The following RCN1 variants were observed in gnomAD, a reference collection of about 807,000 sequenced individuals.
RCN1 encodes reticulocalbin 1.
In RCN1, 14 loss-of-function variants were observed where a neutral mutation model predicts 34.7. The ratio of observed to expected loss-of-function variants is 0.40; its 90% CI spans 0.27 to 0.63. RCN1 has a LOEUF of 0.63. Among genes scored for constraint, RCN1 ranks in the 30% least tolerant of loss-of-function variants. The probability of loss-of-function intolerance (pLI) is 0.37; values close to 1 mark genes in which losing one functional copy is unlikely to be tolerated. For missense variants in RCN1, 326 were observed against 425.1 expected, an observed-to-expected ratio of 0.77 and a Z score of 2.05; for synonymous variants, 125 against 165.5, an observed-to-expected ratio of 0.76 and a Z score of 1.88.
At chr11:32,103,705 C>G (rs1412751959) in intron 5 of RCN1, among the ~76,000 whole-genome samples, 2 of 152,182 alleles carry the variant, frequency 1.3e-5, no homozygotes, top group African/African-American at 4.8e-5. Context: ...GAGCCACAGA[C>G]TTACATTAAG....
Position 32,091,274 on chromosome 11 carries a change from T to C in RCN1, c.78T>C (p.Val26=), listed in dbSNP as rs1445348908. Residue 26 remains valine, a synonymous_variant, in exon 1 of 6, where the codon GTT becomes GTC. Coordinates refer to ENST00000054950, the MANE Select transcript of RCN1 (RefSeq NM_002901.4). ...TGGCGCTGGTGCTGGCGCCGCGGGT[T>C]CTGCGGGCCAAGCCCACGGTGCGCA... ...LLLALVLAPR[V]LRAKPTVRKE... The C allele has an allele frequency of 1.9e-6, 3 of 1,539,124 alleles. No individual in the cohort carries two copies. Among genetic ancestry groups the C allele is most frequent in the Non-Finnish European group, 2.6e-6 (3 of 1,142,436 alleles).
At chr11:32,097,694 C>T (rs751511223) in intron 2 of RCN1, among the ~76,000 whole-genome samples, 24 of 152,064 alleles carry the variant, frequency 1.6e-4, no homozygotes, top group Non-Finnish European at 2.6e-4. Flanking sequence ...TTGAGTGGGC[C>T]GGAGCAGTCA....
chr11:32,096,936 T>A (rs1490703234), intron 1 of RCN1: 7 of 501,414 alleles, frequency 1.4e-5, no homozygotes, highest in Non-Finnish European at 2.1e-5. Context: ...CCATCAGCAC[T>A]GGTTGGGGGA....
At chr11:32,096,184 C>T (rs185704352) in intron 1 of RCN1, among the ~76,000 whole-genome samples, 2 of 152,300 alleles carry the variant, frequency 1.3e-5, no homozygotes, top group Admixed American at 1.3e-4. Context: ...CTAGAGTTAG[C>T]CTGTATGACC....
intron 1 of RCN1, chr11:32,096,906 C>T (rs1193443347): frequency 1.1e-5 from 5 of 448,898 alleles, no homozygotes; most frequent in Middle Eastern, 5.6e-4. Context: ...CAGAGGGGCA[C>T]GATCCATTAG....
chr11:32,099,500 G>C (rs1852011763), intron 3 of RCN1, among the ~76,000 whole-genome samples: 2 of 152,186 alleles, frequency 1.3e-5, no homozygotes, highest in African/African-American at 4.8e-5. Context: ...TTAGCGGGTG[G>C]GTCTTTGGAG....
In RCN1 at chr11:32,104,407, A is replaced by G; in HGVS notation, c.931A>G (p.Met311Val). ...TKEEILENWN[M>V]FVGSQATNYG... The stretch of plus-strand genomic sequence containing the variant: ...AGAGGAAATATTGGAGAACTGGAAC[A>G]TGTTTGTCGGAAGCCAAGCTACCAA... Residue 311 changes from methionine (M) to valine (V), a missense_variant, in exon 6 of 6, where the codon ATG becomes GTG. By Grantham distance (21) the Met-to-Val change is conservative (BLOSUM62 1). Transcript: ENST00000054950. 6.3e-7 allele frequency: 1 copy of G among 1,579,640 alleles called. No individual in the cohort carries two copies. The highest frequency in any genetic ancestry group is 2.2e-5 in the East Asian group (1 of 44,550).
At chr11:32,095,562 C>G (rs911051806) in intron 1 of RCN1, among the ~76,000 whole-genome samples, 3 of 152,156 alleles carry the variant, frequency 2.0e-5, no homozygotes, top group African/African-American at 7.2e-5. Flanking sequence ...CACCCGCCAC[C>G]ACACCTGGCT....
At chr11:32,091,620 G>T in intron 1 of RCN1, 170 bp downstream of exon 1, 3 of 808,178 alleles carry the variant, frequency 3.7e-6, no homozygotes, top group Non-Finnish European at 3.6e-6. Context: ...TTGCTGGAGG[G>T]CCCCGGGACC....
At chr11:32,097,928 C>T (rs1479236610) in intron 2 of RCN1, among the ~76,000 whole-genome samples, 1 of 152,164 alleles carries the variant, frequency 6.6e-6, no homozygotes, top group Non-Finnish European at 1.5e-5. Flanking sequence ...GGCAAAGAAA[C>T]AGGCCCAAGG....
intron 1 of RCN1, among the ~76,000 whole-genome samples, chr11:32,093,529 CAG>C (rs932875275): frequency 1.1e-4 from 17 of 152,218 alleles, no homozygotes; most frequent in African/African-American, 3.1e-4. Context: ...GTCACCTGAT[CAG>C]AGTTTGTAGG....
At chr11:32,099,974 C>T (rs1234334196) in intron 3 of RCN1, among the ~76,000 whole-genome samples, 1 of 152,200 alleles carries the variant, frequency 6.6e-6, no homozygotes, top group East Asian at 1.9e-4. Flanking sequence ...CAGGATGCCT[C>T]TGAGTTGCTG....
rs1565352031 is a variant in RCN1 at position 32,104,628 on chromosome 11, C to T, written c.*156C>T. The T allele has an allele frequency of 1.8e-6, 1 of 552,252 alleles. No individual in the cohort carries two copies. The highest frequency in any genetic ancestry group is 1.9e-5 in the African/African-American group (1 of 53,144). 34.2% of individuals were successfully genotyped at this position (552,252 alleles called of 1,614,324 possible). On this transcript the variant is annotated 3_prime_UTR_variant, in exon 6 of 6. Coordinates refer to ENST00000054950, the MANE Select transcript of RCN1 (RefSeq NM_002901.4). ...AAAATTGTTTTTCGCTCAGTATTTACTGGAAAATGGACATCACTAGTCTTT... is the reference window on the plus strand; with the variant it reads ...AAAATTGTTTTTCGCTCAGTATTTATTGGAAAATGGACATCACTAGTCTTT...
intron 4 of RCN1, 154 bp from the exon 5 acceptor site, chr11:32,103,127 T>C: frequency 1.5e-6 from 1 of 687,928 alleles, no homozygotes; most frequent in African/African-American, 1.8e-5. Flanking sequence ...ACTGCATCAT[T>C]ATCCCCAAGA....
At chr11:32,096,949 G>A (rs971130070) in intron 1 of RCN1, 195 bp from the exon 2 acceptor site, 3 of 528,892 alleles carry the variant, frequency 5.7e-6, no homozygotes, top group African/African-American at 1.9e-5. Flanking sequence ...TTGGGGGAAA[G>A]CACATCAACC....
At chr11:32,099,513 T>C (rs991480611) in intron 3 of RCN1, among the ~76,000 whole-genome samples, 3 of 151,936 alleles carry the variant, frequency 2.0e-5, no homozygotes, top group African/African-American at 7.2e-5. Flanking sequence ...CTTTGGAGGG[T>C]GGGTGGATCA....
In RCN1 at chr11:32,104,946, G is replaced by A; in HGVS notation, c.*474G>A. The A allele has an allele frequency of 5.9e-6, 1 of 170,672 alleles. No individual in the cohort carries two copies. 10.6% of individuals were successfully genotyped at this position (170,672 alleles called of 1,614,324 possible). A position where few individuals can be genotyped will look rare whatever the true frequency, so the allele number is the denominator to read the frequency against. The stretch of plus-strand genomic sequence containing the variant: ...TATCATCCTAGGTAAGCTTATTTCA[G>A]AACAAGTCTAATATTTCAGATTCTT... On this transcript the variant is annotated 3_prime_UTR_variant, in exon 6 of 6. Transcript: ENST00000054950.
chr11:32,098,969 C>G (rs577263749), intron 3 of RCN1, among the ~76,000 whole-genome samples: 1 of 152,158 alleles, frequency 6.6e-6, no homozygotes, highest in South Asian at 2.1e-4. Context: ...GTATGTTCCA[C>G]TGGTCCCTCC....
At chr11:32,096,216 C>T (rs112554327) in intron 1 of RCN1, among the ~76,000 whole-genome samples, 79 of 152,308 alleles carry the variant, frequency 5.2e-4, no homozygotes, top group African/African-American at 1.8e-3. Flanking sequence ...AAATGGACTA[C>T]AAGGGTGAAA....
Sources: allele counts gnomAD v4.1 joint callset (sites outside exome capture counted in the v4.1 genomes callset), GRCh38; gene constraint gnomAD v4.1.1; transcripts MANE v1.5; gene names NCBI Gene and HGNC (gene_info 2026-07-23, HGNC 2026-07-21).